SHANK2: variants seen among roughly 807,000 people sequenced by gnomAD.
SHANK2 encodes the protein SH3 and multiple ankyrin repeat domains protein 2.
Under a neutral mutation model 133.7 loss-of-function variants are expected in SHANK2, and 43 were observed. The observed-to-expected ratio is 0.32, with a 90% CI of 0.25 to 0.41. SHANK2 has a LOEUF of 0.41. Among genes scored for constraint, SHANK2 ranks in the 10% least tolerant of loss-of-function variants. The pLI, the probability that SHANK2 is intolerant of heterozygous loss-of-function variation, is 1.00. For missense variants in SHANK2, 1,994 were observed against 2,235.8 expected (o/e 0.89, Z 2.18); for synonymous variants, 1,017 against 952.8 (o/e 1.07, Z -1.24).
chr11:70,752,434 T>C (rs1342889038), intron 14 of SHANK2, among the ~76,000 whole-genome samples: 1 of 152,122 alleles, frequency 6.6e-6, no homozygotes, highest in Non-Finnish European at 1.5e-5. Flanking sequence ...AAAAAATCAA[T>C]TCGGCCGGGC....
At chr11:71,125,634 G>A (rs1226975212) in intron 3 of SHANK2, among the ~76,000 whole-genome samples, 1 of 152,236 alleles carries the variant, frequency 6.6e-6, no homozygotes, top group Non-Finnish European at 1.5e-5. Context: ...AAAGTGTGAG[G>A]TGAAGCAGCA....
At chr11:70,744,088 C>A (rs1946588647) in intron 14 of SHANK2, among the ~76,000 whole-genome samples, 1 of 152,236 alleles carries the variant, frequency 6.6e-6, no homozygotes, top group East Asian at 1.9e-4. Flanking sequence ...TGAGCTGCCA[C>A]CAATGTGTGG....
intron 14 of SHANK2, among the ~76,000 whole-genome samples, chr11:70,719,867 C>T (rs1021515530): frequency 6.6e-6 from 1 of 151,828 alleles, no homozygotes; most frequent in Non-Finnish European, 1.5e-5. Flanking sequence ...ATGAGGAGCT[C>T]GCAGCTGCAC....
chr11:70,704,606 T>C (rs1469013188), intron 14 of SHANK2, among the ~76,000 whole-genome samples: 7 of 149,308 alleles, frequency 4.7e-5, no homozygotes, highest in Non-Finnish European at 9.0e-5. Flanking sequence ...AGAAAGGTGA[T>C]CTTGGCTTCC....
intron 3 of SHANK2, among the ~76,000 whole-genome samples, chr11:71,142,524 A>C (rs781923650): frequency 6.6e-6 from 1 of 152,168 alleles, no homozygotes; most frequent in Non-Finnish European, 1.5e-5. Flanking sequence ...AAACAAACAA[A>C]AAAAAATGGC....
chr11:70,864,889 G>A (rs1189084907), intron 11 of SHANK2: 1 of 152,304 alleles, frequency 6.6e-6, no homozygotes, highest in Non-Finnish European at 1.5e-5. Flanking sequence ...AGCCAGGTAT[G>A]GTGGTGCACA....
intron 11 of SHANK2, among the ~76,000 whole-genome samples, chr11:70,857,909 T>C (rs1949196651): frequency 6.6e-6 from 1 of 152,218 alleles, no homozygotes; most frequent in South Asian, 2.1e-4. Context: ...AGGATGGGGC[T>C]ACATCTGACC....
At chr11:70,839,970 G>A (rs1281906146) in intron 11 of SHANK2, among the ~76,000 whole-genome samples, 1 of 152,214 alleles carries the variant, frequency 6.6e-6, no homozygotes, top group African/African-American at 2.4e-5. Context: ...AAAACCCAAA[G>A]GGAAGGGACA....
chr11:70,731,316 C>T (rs531107996), intron 14 of SHANK2, among the ~76,000 whole-genome samples: 16 of 152,188 alleles, frequency 1.1e-4, no homozygotes, highest in African/African-American at 3.9e-4. Context: ...TGACTTCCAG[C>T]CTCCAGAACA....
At chr11:71,186,357 C>T (rs1391677824) in intron 2 of SHANK2, among the ~76,000 whole-genome samples, 1 of 152,232 alleles carries the variant, frequency 6.6e-6, no homozygotes, top group African/African-American at 2.4e-5. Flanking sequence ...ACAGTTTGGA[C>T]CCGCAGACTG....
chr11:70,659,675 C>G (rs1005227678), intron 17 of SHANK2, among the ~76,000 whole-genome samples, 153 bp downstream of exon 17: 1 of 152,166 alleles, frequency 6.6e-6, no homozygotes, highest in African/African-American at 2.4e-5. Context: ...GCAGTGGCAC[C>G]CACGGTGGGA....
chr11:71,240,690 G>A (rs1386561506), intron 1 of SHANK2: 2 of 152,304 alleles, frequency 1.3e-5, no homozygotes, highest in Non-Finnish European at 2.9e-5. Context: ...AACACTTTGG[G>A]AGGCTGAGGT....
chr11:70,567,885 T>A (rs1015880183), intron 17 of SHANK2, among the ~76,000 whole-genome samples: 2 of 152,220 alleles, frequency 1.3e-5, no homozygotes, highest in African/African-American at 4.8e-5. Context: ...GCTGCAGGGC[T>A]GGGAGGGAAG....
intron 3 of SHANK2, among the ~76,000 whole-genome samples, chr11:71,142,725 GAAA>G (rs1565475820): frequency 3.3e-5 from 5 of 151,236 alleles, no homozygotes; most frequent in African/African-American, 1.2e-4. Flanking sequence ...TCTGCAGAGA[GAAA>G]GTTTTTCTAG....
intron 10 of SHANK2, among the ~76,000 whole-genome samples, chr11:70,953,639 C>T (rs1157233898): frequency 1.3e-5 from 2 of 152,120 alleles, no homozygotes; most frequent in African/African-American, 4.8e-5. Context: ...CCTGCATCCA[C>T]CTGCTTAGTT....
intron 17 of SHANK2, among the ~76,000 whole-genome samples, chr11:70,539,201 G>A (rs1417723583): frequency 6.6e-6 from 1 of 152,174 alleles, no homozygotes; most frequent in Non-Finnish European, 1.5e-5. Flanking sequence ...GTGCACGGCC[G>A]ACCCCAGGAT....
intron 6 of SHANK2, 47 bp from the exon 7 acceptor site, chr11:71,094,735 T>G (rs1951577693): frequency 6.5e-7 from 1 of 1,534,324 alleles, no homozygotes. Context: ...TTTGTCACAC[T>G]GCTCACAAAG....
chr11:70,784,436 A>C (rs1947601989), intron 14 of SHANK2, among the ~76,000 whole-genome samples: 1 of 121,418 alleles, frequency 8.2e-6, no homozygotes, highest in Admixed American at 9.8e-5. Context: ...GGCCCACTGC[A>C]ACCTCTGCCT....
At chr11:70,615,522 A>T (rs1554995676) in intron 17 of SHANK2, among the ~76,000 whole-genome samples, 1 of 152,174 alleles carries the variant, frequency 6.6e-6, no homozygotes, top group African/African-American at 2.4e-5. Flanking sequence ...GCTGCTTTCC[A>T]GGGTCCCTTA....
Sources: allele counts gnomAD v4.1 joint callset (sites outside exome capture counted in the v4.1 genomes callset), GRCh38; gene constraint gnomAD v4.1.1; transcripts MANE v1.5; gene names NCBI Gene and HGNC (gene_info 2026-07-23, HGNC 2026-07-21).